The following ADAM12 variants were observed in gnomAD, a reference collection of about 807,000 sequenced individuals.
ADAM12 encodes the protein disintegrin and metalloproteinase domain-containing protein 12.
Under a neutral mutation model 106.4 loss-of-function variants are expected in ADAM12, and 70 were observed. That is an observed-to-expected ratio of 0.66 (90% CI 0.54 to 0.80). The LOEUF (loss-of-function observed/expected upper bound fraction) is 0.80. Among genes scored for constraint, ADAM12 ranks in the 30% least tolerant of loss-of-function variants. ADAM12 has a pLI of 0.00. For missense variants in ADAM12, 1,010 were observed against 1,171.9 expected (o/e 0.86, Z 2.02); for synonymous variants, 420 against 433.5 (o/e 0.97, Z 0.39).
intron 11 of ADAM12, among the ~76,000 whole-genome samples, chr10:126,075,977 T>C (rs1433609567): frequency 2.0e-5 from 3 of 152,172 alleles, no homozygotes; most frequent in Non-Finnish European, 4.4e-5. Context: ...ATGTGCAAAT[T>C]TGTCACATGG....
intron 2 of ADAM12, among the ~76,000 whole-genome samples, chr10:126,279,304 T>C (rs1039479267): frequency 5.9e-5 from 9 of 151,954 alleles, no homozygotes. Flanking sequence ...TGGTAGTTTG[T>C]GCCTGTGGTC....
intron 3 of ADAM12, among the ~76,000 whole-genome samples, chr10:126,225,133 C>T (rs1317400767): frequency 6.6e-6 from 1 of 152,230 alleles, no homozygotes; most frequent in African/African-American, 2.4e-5. Flanking sequence ...GGCAAGAAGG[C>T]TTTTTTCAAG....
At chr10:126,310,048 G>T (rs1215184558) in intron 2 of ADAM12, among the ~76,000 whole-genome samples, 1 of 151,734 alleles carries the variant, frequency 6.6e-6, no homozygotes, top group Admixed American at 6.6e-5. Context: ...AATCCCAGCT[G>T]CTCAGGACGC....
intron 4 of ADAM12, among the ~76,000 whole-genome samples, chr10:126,149,645 A>G (rs1565096430): frequency 6.6e-6 from 1 of 152,198 alleles, no homozygotes; most frequent in Non-Finnish European, 1.5e-5. Flanking sequence ...TGGAAAGACT[A>G]GACTGGCTGA....
chr10:126,179,538 C>T (rs1476229174), intron 3 of ADAM12, among the ~76,000 whole-genome samples: 5 of 152,156 alleles, frequency 3.3e-5, no homozygotes, highest in Non-Finnish European at 5.9e-5. Flanking sequence ...ATGGGTCATA[C>T]CTTTTGGATG....
intron 3 of ADAM12, among the ~76,000 whole-genome samples, chr10:126,258,099 C>T (rs997328247): frequency 6.6e-6 from 1 of 152,144 alleles, no homozygotes; most frequent in Admixed American, 6.5e-5. Flanking sequence ...GAATAATATG[C>T]TAGGGACACA....
At chr10:126,191,144 G>C (rs1010635347) in intron 3 of ADAM12, among the ~76,000 whole-genome samples, 1 of 151,900 alleles carries the variant, frequency 6.6e-6, no homozygotes, top group Non-Finnish European at 1.5e-5. Flanking sequence ...TGGGATTACA[G>C]GCGCCTGCCA....
At chr10:126,029,959 A>C (rs1175839178) in intron 21 of ADAM12, among the ~76,000 whole-genome samples, 1 of 152,228 alleles carries the variant, frequency 6.6e-6, no homozygotes, top group Non-Finnish European at 1.5e-5. Flanking sequence ...TTCTAAATGC[A>C]TATGACTTTT....
intron 3 of ADAM12, among the ~76,000 whole-genome samples, chr10:126,160,700 C>T (rs1956916790): frequency 6.6e-6 from 1 of 152,164 alleles, no homozygotes; most frequent in African/African-American, 2.4e-5. Context: ...TGCTAAAACT[C>T]TTTAGTGTCT....
chr10:126,032,087 C>CTATAAAGACCTAGCTTACAGTTTA (rs777883753), intron 21 of ADAM12, among the ~76,000 whole-genome samples: 66 of 152,274 alleles, frequency 4.3e-4, no homozygotes, highest in Middle Eastern at 6.8e-3. Flanking sequence ...GAAATGGTTT[C>CTATAAAGACCTAGCTTACAGTTTA]TATAAAGACC....
chr10:126,296,267 G>A (rs1341393325), intron 2 of ADAM12, among the ~76,000 whole-genome samples: 1 of 152,028 alleles, frequency 6.6e-6, no homozygotes, highest in African/African-American at 2.4e-5. Context: ...TCAGTTTCCT[G>A]AGTAGCTGGC....
At chr10:126,103,250 T>C (rs1038655386) in intron 8 of ADAM12, among the ~76,000 whole-genome samples, 1 of 152,146 alleles carries the variant, frequency 6.6e-6, no homozygotes, top group African/African-American at 2.4e-5. Flanking sequence ...ACCTCCCCTC[T>C]CCAAAATTAG....
chr10:126,298,493 G>C (rs1292402454), intron 2 of ADAM12, among the ~76,000 whole-genome samples: 2 of 152,146 alleles, frequency 1.3e-5, no homozygotes, highest in African/African-American at 2.4e-5. Context: ...AAAGCATAAA[G>C]AGATAAAAGG....
At chr10:126,220,277 C>T (rs918072120) in intron 3 of ADAM12, among the ~76,000 whole-genome samples, 8 of 152,142 alleles carry the variant, frequency 5.3e-5, no homozygotes, top group African/African-American at 1.7e-4. Flanking sequence ...CACGAGGTGC[C>T]GAGCACCACA....
Position 126,038,782 on chromosome 10 carries a change from C to T in ADAM12, c.2241-433G>A, listed in dbSNP as rs928557274. Among the ~76,000 whole-genome samples, 6 of 151,918 alleles carry T rather than the reference C, an allele frequency of 3.9e-5. 1 individual carries two copies. Among genetic ancestry groups the T allele is most frequent in the South Asian group, 4.2e-4 (2 of 4,818 alleles). ...CCCTGCTAGCTTATGTAATAAGCAG[C>T]ACATTGTTGTTTGAAGGGAAGTAAA... On this transcript the variant is annotated intron_variant, in intron 19 of 22. Transcript: ENST00000448723.
At chr10:126,202,117 A>G (rs1957713172) in intron 3 of ADAM12, among the ~76,000 whole-genome samples, 1 of 152,148 alleles carries the variant, frequency 6.6e-6, no homozygotes, top group African/African-American at 2.4e-5. Context: ...ACTTCCAAAC[A>G]TCTCAGTCGA....
rs138948419 is a variant in ADAM12, at chr10:126,077,524, T to C, written c.1146-5870A>G. Among the ~76,000 whole-genome samples, 62 of 152,296 alleles carry C rather than the reference T, an allele frequency of 4.1e-4. No homozygotes were observed. The East Asian group carries it at 5.6e-3, about 14-fold the overall frequency. On this transcript the variant is annotated intron_variant, in intron 11 of 22. Coordinates refer to ENST00000448723, the MANE Select transcript of ADAM12 (RefSeq NM_001288973.2). ...TAAGGCTACAGTAACCAAAACAGCA[T>C]GGTAGTGGTACAAAAACAGACACAT... is the stretch of plus-strand genomic sequence containing the variant.
chr10:126,352,922 G>T (rs1057250257), intron 1 of ADAM12, among the ~76,000 whole-genome samples: 1 of 152,158 alleles, frequency 6.6e-6, no homozygotes, highest in African/African-American at 2.4e-5. Flanking sequence ...TGGTAGACCA[G>T]CAGTCTCAGA....
At chr10:126,140,877 T>C (rs1378395091) in intron 4 of ADAM12, among the ~76,000 whole-genome samples, 2 of 152,170 alleles carry the variant, frequency 1.3e-5, no homozygotes, top group Non-Finnish European at 2.9e-5. Context: ...AGATGCAGTC[T>C]TCAACCCCTG....
Sources: allele counts gnomAD v4.1 joint callset (sites outside exome capture counted in the v4.1 genomes callset), GRCh38; gene constraint gnomAD v4.1.1; transcripts MANE v1.5; gene names NCBI Gene and HGNC (gene_info 2026-07-23, HGNC 2026-07-21).